Variants in PRKN observed in about 807,000 individuals in gnomAD.
The protein encoded by PRKN is E3 ubiquitin-protein ligase parkin.
Under a neutral mutation model 59.5 loss-of-function variants are expected in PRKN, and 56 were observed. The ratio of observed to expected loss-of-function variants is 0.94; its 90% CI spans 0.76 to 1.18. The LOEUF is 1.18. Ranked by LOEUF, PRKN falls within the 50% of genes most tolerant of loss-of-function variation. The pLI is 0.00. For missense variants in PRKN, 657 were observed against 596.4 expected (o/e 1.10, Z -1.06); for synonymous variants, 250 against 222.1 (o/e 1.13, Z -1.12).
chr6:161,472,097 T>A lies in PRKN; in HGVS notation c.1083+76757A>T, dbSNP rs532576219. ...GTTTGGACCAGGGTGTTTTGTAGAG[T>A]TGGTAATCTTCTTCATGGCCTGCTT... On this transcript the variant is annotated intron_variant, in intron 9 of 11. Coordinates refer to ENST00000366898, the MANE Select transcript of PRKN (RefSeq NM_004562.3). Among the ~76,000 whole-genome samples, 9 of 152,174 alleles carry A rather than the reference T, an allele frequency of 5.9e-5. No individual in the cohort carries two copies. The East Asian group carries it at 1.7e-3, about 29-fold the overall frequency.
intron 1 of PRKN, among the ~76,000 whole-genome samples, chr6:162,563,168 G>C (rs1779920159): frequency 1.3e-5 from 2 of 152,176 alleles, no homozygotes; most frequent in African/African-American, 2.4e-5. Flanking sequence ...GCCAGACGTA[G>C]TGGTGGGCGC....
At chr6:162,221,427 G>A (rs1354419890) in intron 3 of PRKN, among the ~76,000 whole-genome samples, 41 of 152,128 alleles carry the variant, frequency 2.7e-4, no homozygotes, top group Admixed American at 2.7e-3. Context: ...TGAAGCCCTG[G>A]TTTCTCACTT....
chr6:161,938,473 A>C (rs1779435095), intron 6 of PRKN, among the ~76,000 whole-genome samples: 1 of 152,254 alleles, frequency 6.6e-6, no homozygotes, highest in African/African-American at 2.4e-5. Flanking sequence ...AGATGGAAGA[A>C]GTAAAGTCAA....
At chr6:162,497,980 A>G (rs1225805195) in intron 1 of PRKN, among the ~76,000 whole-genome samples, 1 of 152,234 alleles carries the variant, frequency 6.6e-6, no homozygotes, top group Non-Finnish European at 1.5e-5. Flanking sequence ...TTTGGTCATT[A>G]CATGTTGTAT....
chr6:162,256,463 CTTT>C (rs2128098150), intron 3 of PRKN, among the ~76,000 whole-genome samples: 1 of 152,190 alleles, frequency 6.6e-6, no homozygotes, highest in East Asian at 1.9e-4. Flanking sequence ...GAAATTTTTT[CTTT>C]ATCTTCCCTT....
intron 1 of PRKN, among the ~76,000 whole-genome samples, chr6:162,624,182 A>G (rs546577551): frequency 3.8e-4 from 56 of 149,310 alleles, no homozygotes; most frequent in African/African-American, 1.3e-3. Context: ...CAGGAGGCGG[A>G]GGTTGCAGTG....
In PRKN at chr6:161,562,049, C is replaced by T. The variant is rs1035160283; in HGVS notation, c.933+7306G>A. On this transcript the variant is annotated intron_variant, in intron 8 of 11. Coordinates refer to ENST00000366898, the MANE Select transcript of PRKN (RefSeq NM_004562.3). This position sits in a 1 kb window ranked among gnomAD's most constrained non-coding sequence, Gnocchi z 4.3. ...ATTCCTCCTCTGGAAGGCCCGCCTT[C>T]TCAGCTTCCCCAACACCATAAATCA... Among the ~76,000 whole-genome samples, 1 of 152,162 alleles carries T rather than the reference C, an allele frequency of 6.6e-6. No individual in the cohort carries two copies. The highest frequency in any genetic ancestry group is 2.4e-5 in the African/African-American group (1 of 41,452).
In PRKN at chr6:162,098,275, C is replaced by T. The variant is rs529909230; in HGVS notation, c.535-44101G>A. Among the ~76,000 whole-genome samples, 7 of 152,194 alleles carry T rather than the reference C, an allele frequency of 4.6e-5. No homozygotes were observed. In the South Asian group the frequency reaches 8.3e-4, roughly 18 times the overall value. ...AATCAATGCTGGCACACAGGAATGTCCGCTTTTCCCAAATGTTACCTGTGA... is the reference window on the plus strand; with the variant it reads ...AATCAATGCTGGCACACAGGAATGTTCGCTTTTCCCAAATGTTACCTGTGA... On this transcript the variant is annotated intron_variant, in intron 4 of 11. Coordinates refer to ENST00000366898, the MANE Select transcript of PRKN (RefSeq NM_004562.3).
intron 1 of PRKN, among the ~76,000 whole-genome samples, chr6:162,471,175 G>A (rs570435901): frequency 1.3e-4 from 20 of 152,000 alleles, no homozygotes; most frequent in South Asian, 1.0e-3. Flanking sequence ...TTGGCTCACC[G>A]CAACATCCAC....
intron 1 of PRKN, among the ~76,000 whole-genome samples, chr6:162,611,861 A>T (rs1314238443): frequency 1.3e-5 from 2 of 152,176 alleles, no homozygotes; most frequent in Non-Finnish European, 2.9e-5. Context: ...AAGAGTGTGA[A>T]AATCTTCAAA....
chr6:162,220,341 A>C (rs1389958450), intron 3 of PRKN, among the ~76,000 whole-genome samples: 1 of 152,184 alleles, frequency 6.6e-6, no homozygotes, highest in Admixed American at 6.5e-5. Context: ...GACCTAATTA[A>C]ACCTGCATAA....
At chr6:162,017,798 C>T (rs116710464) in intron 5 of PRKN, among the ~76,000 whole-genome samples, 87 of 152,234 alleles carry the variant, frequency 5.7e-4, no homozygotes, top group African/African-American at 2.1e-3. Context: ...TCATACTTAA[C>T]CTTTTCTGTC....
At chr6:162,300,509 CTTTTT>C (rs1324323115) in intron 2 of PRKN, among the ~76,000 whole-genome samples, 1 of 149,440 alleles carries the variant, frequency 6.7e-6, no homozygotes, top group Non-Finnish European at 1.5e-5. Flanking sequence ...TTTTTTTTTT[CTTTTT>C]ATGTCTAAAT....
chr6:162,237,777 TATCAG>T (rs1778803905), intron 3 of PRKN, among the ~76,000 whole-genome samples: 1 of 150,368 alleles, frequency 6.7e-6, no homozygotes, highest in Non-Finnish European at 1.5e-5. Flanking sequence ...GATATTTTAA[TATCAG>T]ATATTTGGTT....
chr6:162,484,366 C>T (rs536686792), intron 1 of PRKN, among the ~76,000 whole-genome samples: 2 of 152,144 alleles, frequency 1.3e-5, no homozygotes, highest in Admixed American at 6.6e-5. Context: ...AGGGGGTCTC[C>T]GTGGGGCTGA....
intron 6 of PRKN, among the ~76,000 whole-genome samples, chr6:161,874,631 T>TA (rs1173630620): frequency 1.9e-5 from 2 of 105,780 alleles, no homozygotes; most frequent in African/African-American, 9.5e-5. Context: ...GTGTAATATA[T>TA]AAATATATAT....
chr6:162,074,221 G>A (rs1414845690), intron 4 of PRKN, among the ~76,000 whole-genome samples: 2 of 135,208 alleles, frequency 1.5e-5, no homozygotes, highest in Non-Finnish European at 3.1e-5. Flanking sequence ...GCAAAGACTT[G>A]GAACCAACCC....
chr6:162,263,462 C>A (rs1414468469), intron 2 of PRKN, among the ~76,000 whole-genome samples: 1 of 152,162 alleles, frequency 6.6e-6, no homozygotes, highest in African/African-American at 2.4e-5. Flanking sequence ...CAGGAGCACA[C>A]TCTTGCCACC....
intron 4 of PRKN, among the ~76,000 whole-genome samples, chr6:162,111,339 T>TGC (rs1224214954): frequency 6.6e-6 from 1 of 151,960 alleles, no homozygotes; most frequent in Admixed American, 6.6e-5. Flanking sequence ...GTGGCATGCA[T>TGC]CTGTAGTCCC....
Sources: gnomAD v4.1 joint callset for allele counts (sites outside exome capture counted in the v4.1 genomes callset) on GRCh38, gnomAD v4.1.1 for gene constraint, Gnocchi (gnomAD v3.1) non-coding constraint, MANE v1.5 for transcripts, NCBI Gene and HGNC (gene_info 2026-07-23, HGNC 2026-07-21) for gene names.